PLD5: variants seen among roughly 807,000 people sequenced by gnomAD.
The protein encoded by PLD5 is phospholipase D family member 5.
Under a neutral mutation model 61.1 loss-of-function variants are expected in PLD5, and 36 were observed. The ratio of observed to expected loss-of-function variants is 0.59; its 90% CI spans 0.45 to 0.78. The LOEUF (loss-of-function observed/expected upper bound fraction) is 0.78. Ranked by LOEUF, PLD5 falls within the 30% of genes least tolerant of loss-of-function variation. The pLI, the probability that PLD5 is intolerant of heterozygous loss-of-function variation, is 0.00. For missense variants in PLD5, 515 were observed against 644.4 expected (o/e 0.80, Z 2.17); for synonymous variants, 243 against 242.8 (o/e 1.00, Z -0.01).
chr1:242,313,036 A>T (rs1676795034), intron 2 of PLD5, among the ~76,000 whole-genome samples: 1 of 152,118 alleles, frequency 6.6e-6, no homozygotes, highest in Non-Finnish European at 1.5e-5. Context: ...TATCGTACCC[A>T]CTACACAGGG....
chr1:242,385,383 AC>A (rs1175932311), intron 1 of PLD5, among the ~76,000 whole-genome samples: 8 of 152,068 alleles, frequency 5.3e-5, no homozygotes, highest in African/African-American at 1.9e-4. Flanking sequence ...CGATTGTATT[AC>A]CATTATCTCA....
chr1:242,463,968 A>G (rs2102940742), intron 1 of PLD5, among the ~76,000 whole-genome samples: 1 of 152,156 alleles, frequency 6.6e-6, no homozygotes, highest in East Asian at 1.9e-4. Flanking sequence ...TATACCGAGT[A>G]CCTCCATTCC....
At chr1:242,368,113 C>A (rs1479234603) in intron 1 of PLD5, among the ~76,000 whole-genome samples, 3 of 152,140 alleles carry the variant, frequency 2.0e-5, no homozygotes, top group Admixed American at 6.5e-5. Flanking sequence ...ACAACAACAA[C>A]AAAACACTTA....
chr1:242,120,246 G>GA (rs1396658280), intron 6 of PLD5, among the ~76,000 whole-genome samples: 1 of 152,154 alleles, frequency 6.6e-6, no homozygotes, highest in Non-Finnish European at 1.5e-5. Context: ...TCAGATTGTA[G>GA]AAATGGTTGC....
chr1:242,512,216 C>T (rs1228738848), intron 1 of PLD5, among the ~76,000 whole-genome samples: 1 of 151,332 alleles, frequency 6.6e-6, no homozygotes, highest in Non-Finnish European at 1.5e-5. Context: ...TCGAGACCAT[C>T]CTGGCTAACA....
intron 4 of PLD5, among the ~76,000 whole-genome samples, chr1:242,237,043 C>G (rs1671681982): frequency 6.6e-6 from 1 of 152,188 alleles, no homozygotes; most frequent in Non-Finnish European, 1.5e-5. Flanking sequence ...TGACTGTCTT[C>G]CCACCATTAA....
chr1:242,465,544 C>A (rs1349266267), intron 1 of PLD5, among the ~76,000 whole-genome samples: 1 of 152,192 alleles, frequency 6.6e-6, no homozygotes. Flanking sequence ...GGCTCTGCTG[C>A]TAATCTCTCC....
intron 1 of PLD5, chr1:242,376,887 T>C (rs1328365263): frequency 1.9e-5 from 29 of 1,560,906 alleles, no homozygotes; most frequent in Non-Finnish European, 2.1e-5. Context: ...TTTATTCCAA[T>C]GTGGACAGGG....
intron 5 of PLD5, among the ~76,000 whole-genome samples, chr1:242,216,669 A>G (rs1670219459): frequency 6.6e-6 from 1 of 152,162 alleles, no homozygotes; most frequent in African/African-American, 2.4e-5. Context: ...CACCTTCTTT[A>G]CAGCACCTTC....
chr1:242,484,933 A>T (rs1306509500), intron 1 of PLD5, among the ~76,000 whole-genome samples: 6 of 152,220 alleles, frequency 3.9e-5, no homozygotes, highest in African/African-American at 1.4e-4. Flanking sequence ...GTAATCCAGC[A>T]TATAAACAGA....
intron 1 of PLD5, among the ~76,000 whole-genome samples, chr1:242,456,155 C>T (rs1345809922): frequency 1.3e-5 from 2 of 152,190 alleles, no homozygotes; most frequent in Non-Finnish European, 2.9e-5. Context: ...GATCTGTTCC[C>T]TCCCCTCCTT....
chr1:242,328,262 A>G (rs1192446933), intron 2 of PLD5, among the ~76,000 whole-genome samples: 1 of 151,938 alleles, frequency 6.6e-6, no homozygotes, highest in Non-Finnish European at 1.5e-5. Context: ...ATATATATAT[A>G]TACACACACA....
intron 1 of PLD5, among the ~76,000 whole-genome samples, chr1:242,425,799 C>T (rs1050392839): frequency 5.3e-5 from 8 of 151,950 alleles, no homozygotes; most frequent in Non-Finnish European, 1.2e-4. Context: ...CCCGCCACCA[C>T]ACCTGACTAA....
At chr1:242,463,846 TA>T (rs1029562332) in intron 1 of PLD5, among the ~76,000 whole-genome samples, 5 of 151,054 alleles carry the variant, frequency 3.3e-5, no homozygotes, top group African/African-American at 9.7e-5. Flanking sequence ...TTTCCCATAT[TA>T]AAAAAAAAGA....
intron 9 of PLD5, among the ~76,000 whole-genome samples, chr1:242,092,996 A>G (rs1035206057): frequency 6.6e-6 from 1 of 151,738 alleles, no homozygotes; most frequent in Non-Finnish European, 1.5e-5. Flanking sequence ...CCTCATCCCA[A>G]CCCATCATCT....
At chr1:242,395,328 G>A (rs185221785) in intron 1 of PLD5, among the ~76,000 whole-genome samples, 7 of 152,090 alleles carry the variant, frequency 4.6e-5, no homozygotes, top group Admixed American at 2.6e-4. Context: ...TTTTCTACCT[G>A]TTCTTTCCTG....
chr1:242,196,599 CATAT>C (rs1445957257), intron 5 of PLD5, among the ~76,000 whole-genome samples: 1 of 152,182 alleles, frequency 6.6e-6, no homozygotes, highest in East Asian at 1.9e-4. Flanking sequence ...TGTACACACA[CATAT>C]ATACTAAATG....
At chr1:242,178,038 G>GAT (rs1667281902) in intron 5 of PLD5, 1 of 152,202 alleles carries the variant, frequency 6.6e-6, no homozygotes, top group African/African-American at 2.4e-5. Context: ...TCTGCATTTA[G>GAT]ATAAAATGGC....
intron 1 of PLD5, among the ~76,000 whole-genome samples, chr1:242,413,029 C>T (rs555339948): frequency 1.4e-4 from 21 of 152,200 alleles, no homozygotes; most frequent in South Asian, 8.3e-4. Context: ...TGATTTCTCA[C>T]TGGGGTTTCT....
Sources: gnomAD v4.1 joint callset for allele counts (sites outside exome capture counted in the v4.1 genomes callset) on GRCh38, gnomAD v4.1.1 for gene constraint, MANE v1.5 for transcripts, NCBI Gene and HGNC (gene_info 2026-07-23, HGNC 2026-07-21) for gene names.